Variants in GRB10 observed in about 807,000 individuals in gnomAD.
GRB10 encodes growth factor receptor bound protein 10.
In GRB10, 20 loss-of-function variants were observed where a neutral mutation model predicts 80.9. The observed-to-expected ratio is 0.25, with a 90% CI of 0.17 to 0.36. GRB10 has a LOEUF of 0.36. GRB10 is among the 10% of genes least tolerant of loss of function. The pLI, the probability that GRB10 is intolerant of heterozygous loss-of-function variation, is 1.00. For missense variants in GRB10, 548 were observed against 747.7 expected, an observed-to-expected ratio of 0.73 and a Z score of 3.12; for synonymous variants, 291 against 291.5, an observed-to-expected ratio of 1.00 and a Z score of 0.02.
intron 4 of GRB10, among the ~76,000 whole-genome samples, chr7:50,711,845 C>T (rs1274561275): frequency 6.6e-6 from 1 of 152,144 alleles, no homozygotes; most frequent in Non-Finnish European, 1.5e-5. Context: ...AGGTACGGTG[C>T]TAGACAGTTT....
chr7:50,685,776 A>G (rs1440751127), intron 5 of GRB10, among the ~76,000 whole-genome samples: 1 of 152,198 alleles, frequency 6.6e-6, no homozygotes, highest in Admixed American at 6.5e-5. Context: ...AGGCATCAGG[A>G]TGAGAAAAGT....
chr7:50,680,148 A>C (rs760891472), intron 5 of GRB10, among the ~76,000 whole-genome samples: 6 of 152,240 alleles, frequency 3.9e-5, no homozygotes, highest in Non-Finnish European at 8.8e-5. Context: ...ATAAAAATAC[A>C]AATGGAATCA....
chr7:50,632,544 C>T (rs576245685), intron 7 of GRB10, among the ~76,000 whole-genome samples: 51 of 152,244 alleles, frequency 3.3e-4, no homozygotes, highest in Admixed American at 1.7e-3. Context: ...GAGCCGGGTG[C>T]CCCACCCTTA....
Position 50,619,179 on chromosome 7 carries a change from T to C in GRB10, c.768A>G (p.Lys256=). 6.3e-7 allele frequency: 1 copy of C among 1,595,218 alleles called. No homozygotes were observed. ...RKNYAKYEFF[K]NPMNFFPEQM... is the part of the protein sequence containing the mutation. ...AAGAGGTAAGACTCACCATGGGATT[T>C]TTAAAGAACTCGTATTTTGCGTAAT... Residue 256 remains lysine, a synonymous_variant, in exon 9 of 19, where the codon AAA becomes AAG. Transcript: ENST00000401949.
chr7:50,643,885 T>C (rs1296893694), intron 7 of GRB10, among the ~76,000 whole-genome samples: 1 of 152,238 alleles, frequency 6.6e-6, no homozygotes, highest in Non-Finnish European at 1.5e-5. Flanking sequence ...TGAGAGTTCT[T>C]TGCTCTATTA....
intron 3 of GRB10, among the ~76,000 whole-genome samples, chr7:50,749,422 C>T (rs1232856593): frequency 6.6e-6 from 1 of 152,016 alleles, no homozygotes; most frequent in Non-Finnish European, 1.5e-5. Context: ...AGCCACCATG[C>T]CTGGCCAAAA....
chr7:50,647,189 T>C (rs1354362963), intron 7 of GRB10, among the ~76,000 whole-genome samples: 2 of 152,202 alleles, frequency 1.3e-5, no homozygotes, highest in Non-Finnish European at 2.9e-5. Flanking sequence ...CTTGGTTATA[T>C]AGATGTGGCA....
intron 17 of GRB10, among the ~76,000 whole-genome samples, chr7:50,599,324 G>C (rs976387714): frequency 6.6e-6 from 1 of 152,198 alleles, no homozygotes; most frequent in Non-Finnish European, 1.5e-5. Context: ...TGTCTGTCCA[G>C]AATCTTGTGC....
chr7:50,612,034 A>T (rs74648609), intron 13 of GRB10, among the ~76,000 whole-genome samples: 1 of 152,360 alleles, frequency 6.6e-6, no homozygotes, highest in Admixed American at 6.5e-5. Context: ...AAACAGCCCT[A>T]TGAAATCACT....
At chr7:50,643,758 T>A (rs2056701121) in intron 7 of GRB10, among the ~76,000 whole-genome samples, 1 of 152,210 alleles carries the variant, frequency 6.6e-6, no homozygotes, top group Non-Finnish European at 1.5e-5. Flanking sequence ...TCATGGTGTG[T>A]GTACATATAA....
chr7:50,746,885 C>T (rs141998091), intron 3 of GRB10, among the ~76,000 whole-genome samples: 19 of 152,286 alleles, frequency 1.2e-4, no homozygotes, highest in African/African-American at 4.3e-4. Context: ...TGCCCATGTC[C>T]TCCCTCCCTT....
chr7:50,699,791 C>T (rs988250249), intron 5 of GRB10, among the ~76,000 whole-genome samples: 4 of 152,116 alleles, frequency 2.6e-5, no homozygotes, highest in African/African-American at 7.2e-5. Flanking sequence ...TCTGTGTAAG[C>T]TGTTGTCCTC....
At chr7:50,711,660 C>T (rs1365519659) in intron 4 of GRB10, among the ~76,000 whole-genome samples, 1 of 152,146 alleles carries the variant, frequency 6.6e-6, no homozygotes, top group African/African-American at 2.4e-5. Flanking sequence ...TGCCTGATAC[C>T]CTCTCTACCA....
chr7:50,741,709 G>GAGAAATAA (rs1169497461), intron 3 of GRB10, among the ~76,000 whole-genome samples: 1 of 151,880 alleles, frequency 6.6e-6, no homozygotes, highest in Non-Finnish European at 1.5e-5. Context: ...AATGAAGCAA[G>GAGAAATAA]AGAAATAAAA....
upstream of GRB10, among the ~76,000 whole-genome samples, chr7:50,786,665 T>C (rs973504178): frequency 2.6e-5 from 4 of 151,932 alleles, no homozygotes; most frequent in Non-Finnish European, 5.9e-5. Context: ...ACTGTGAGAG[T>C]AGATGGACAT....
At chr7:50,716,483 G>A (rs961553627) in intron 4 of GRB10, among the ~76,000 whole-genome samples, 1 of 152,116 alleles carries the variant, frequency 6.6e-6, no homozygotes, top group Non-Finnish European at 1.5e-5. Flanking sequence ...AACCCATAAC[G>A]ATAAGGGAAA....
At chr7:50,682,737 G>T (rs2061682333) in intron 5 of GRB10, among the ~76,000 whole-genome samples, 1 of 152,102 alleles carries the variant, frequency 6.6e-6, no homozygotes, top group African/African-American at 2.4e-5. Flanking sequence ...GTGGCCTAAG[G>T]AATGAGATTT....
chr7:50,707,736 A>T (rs974713896), intron 4 of GRB10, among the ~76,000 whole-genome samples: 1 of 152,196 alleles, frequency 6.6e-6, no homozygotes, highest in South Asian at 2.1e-4. Flanking sequence ...GGTGGGTGGG[A>T]CCAGCCTCCA....
rs555161908 is a variant in GRB10 at position 50,722,710 on chromosome 7, G to A, written c.51+9562C>T. Among the ~76,000 whole-genome samples the A allele has an allele frequency of 2.0e-5, 3 of 152,158 alleles. No homozygotes were observed. The South Asian group carries it at 6.2e-4, about 32-fold the overall frequency. On this transcript the variant is annotated intron_variant, in intron 4 of 18. Transcript: ENST00000401949. ...TGACAAGGTGACAGAGTGATGAGGT[G>A]GGGTGACAGGGTACCGCCCCCTCTC...
Sources: gnomAD v4.1 joint callset for allele counts (sites outside exome capture counted in the v4.1 genomes callset) on GRCh38, gnomAD v4.1.1 for gene constraint, MANE v1.5 for transcripts, NCBI Gene and HGNC (gene_info 2026-07-23, HGNC 2026-07-21) for gene names.